Variants in ALG14 observed in about 807,000 individuals in gnomAD.
ALG14 encodes UDP-N-acetylglucosamine transferase subunit ALG14.
Under a neutral mutation model 22.8 loss-of-function variants are expected in ALG14, and 17 were observed. That is an observed-to-expected ratio of 0.75 (90% CI 0.51 to 1.12). ALG14 has a LOEUF of 1.12. Among genes scored for constraint, ALG14 ranks in the 50% most tolerant of loss-of-function variants. The pLI is 0.00. For synonymous variants in ALG14, 89 were observed against 103.7 expected, an observed-to-expected ratio of 0.86 and a Z score of 0.86; for missense variants, 288 against 271.8, an observed-to-expected ratio of 1.06 and a Z score of -0.42.
rs1321605573 is a variant in ALG14 at position 94,975,398 on chromosome 1, T to C, written c.*7678A>G. On this transcript the variant is annotated 3_prime_UTR_variant, in exon 4 of 4. Transcript: ENST00000370205. ...CACATTTTGTTTATCTGTTCATTAG[T>C]AGAGCATTTGGGTTGTTTCTACTTT... 2.0e-5 allele frequency: 3 copies of C among 152,252 alleles called. No homozygotes were observed. Among genetic ancestry groups the C allele is most frequent in the Non-Finnish European group, 4.4e-5 (3 of 68,056 alleles). 9.4% of individuals were successfully genotyped at this position (152,252 alleles called of 1,614,324 possible).
intron 2 of ALG14, among the ~76,000 whole-genome samples, chr1:95,054,615 C>T (rs908572593): frequency 6.6e-6 from 1 of 152,150 alleles, no homozygotes; most frequent in African/African-American, 2.4e-5. Flanking sequence ...AAAATGGACA[C>T]ATTCCTAGAA....
chr1:95,048,755 TA>T, intron 2 of ALG14, among the ~76,000 whole-genome samples: 1 of 152,328 alleles, frequency 6.6e-6, no homozygotes, highest in Middle Eastern at 3.4e-3. Flanking sequence ...CTTTTCAAGG[TA>T]TTTTTTTTTC....
intron 2 of ALG14, among the ~76,000 whole-genome samples, chr1:95,032,444 C>A (rs2100780946): frequency 6.6e-6 from 1 of 152,078 alleles, no homozygotes; most frequent in South Asian, 2.1e-4. Flanking sequence ...CTAGAAGGCA[C>A]CAAACCCCAA....
intron 3 of ALG14, among the ~76,000 whole-genome samples, chr1:94,996,851 T>C (rs1262277253): frequency 6.6e-6 from 1 of 151,988 alleles, no homozygotes; most frequent in Non-Finnish European, 1.5e-5. Context: ...CCAGCTCATT[T>C]TTGTATTTTT....
At chr1:95,057,003 C>A (rs1015097363) in intron 2 of ALG14, among the ~76,000 whole-genome samples, 1 of 144,662 alleles carries the variant, frequency 6.9e-6, no homozygotes, top group East Asian at 2.1e-4. Context: ...TTGCAGTGAG[C>A]TGAGATCAGG....
chr1:95,008,917 C>T (rs1255389116), intron 3 of ALG14, among the ~76,000 whole-genome samples: 1 of 152,092 alleles, frequency 6.6e-6, no homozygotes, highest in African/African-American at 2.4e-5. Context: ...TGGACTCAGA[C>T]AGTATTAGTC....
intron 3 of ALG14, among the ~76,000 whole-genome samples, chr1:94,999,571 C>G (rs1673004885): frequency 6.6e-6 from 1 of 152,032 alleles, no homozygotes; most frequent in Non-Finnish European, 1.5e-5. Flanking sequence ...CTGTGTTATC[C>G]CATTCCTTGC....
intron 2 of ALG14, among the ~76,000 whole-genome samples, chr1:95,042,220 C>A (rs1674400874): frequency 6.6e-6 from 1 of 152,002 alleles, no homozygotes; most frequent in African/African-American, 2.4e-5. Context: ...AAGAAGCCCC[C>A]ACCCCAACAC....
At chr1:95,028,151 A>T (rs1005339109) in intron 2 of ALG14, among the ~76,000 whole-genome samples, 8 of 152,146 alleles carry the variant, frequency 5.3e-5, no homozygotes, top group African/African-American at 1.9e-4. Context: ...AGTATTTGTT[A>T]GTTTGGTTTT....
intron 3 of ALG14, among the ~76,000 whole-genome samples, chr1:94,986,576 G>C (rs776767606): frequency 3.3e-5 from 5 of 151,986 alleles, no homozygotes; most frequent in Non-Finnish European, 5.9e-5. Flanking sequence ...TGGTTCACGT[G>C]ATTCTCCTGC....
At chr1:95,016,946 T>G (rs1189709358) in intron 3 of ALG14, among the ~76,000 whole-genome samples, 1 of 38,944 alleles carries the variant, frequency 2.6e-5, no homozygotes, top group Non-Finnish European at 5.5e-5. Flanking sequence ...AAAAGGGGTG[T>G]GTGTGTGTGT....
chr1:95,070,905 T>G (rs1476322280), intron 1 of ALG14, among the ~76,000 whole-genome samples: 1 of 151,946 alleles, frequency 6.6e-6, no homozygotes, highest in Non-Finnish European at 1.5e-5. Context: ...CCACCTAATT[T>G]ATTTATTTAT....
chr1:95,018,091 A>G (rs1173869266), intron 3 of ALG14, among the ~76,000 whole-genome samples: 2 of 152,240 alleles, frequency 1.3e-5, no homozygotes, highest in African/African-American at 2.4e-5. Flanking sequence ...GAGTAAAGCC[A>G]AAACCTCCTG....
intron 3 of ALG14, among the ~76,000 whole-genome samples, chr1:95,000,126 C>G (rs1673018943): frequency 6.6e-6 from 1 of 152,342 alleles, no homozygotes; most frequent in Non-Finnish European, 1.5e-5. Context: ...ACTGCCTATA[C>G]TGTTATTCTT....
At chr1:95,015,269 C>G (rs1199075643) in intron 3 of ALG14, among the ~76,000 whole-genome samples, 1 of 152,168 alleles carries the variant, frequency 6.6e-6, no homozygotes, top group African/African-American at 2.4e-5. Flanking sequence ...TCTGGTAGAA[C>G]TAGCGTGTTC....
At chr1:94,994,133 C>G (rs1012479772) in intron 3 of ALG14, among the ~76,000 whole-genome samples, 1 of 152,206 alleles carries the variant, frequency 6.6e-6, no homozygotes, top group African/African-American at 2.4e-5. Flanking sequence ...TCAGGCTAAC[C>G]AAACATTGTT....
At chr1:95,045,216 G>T (rs1674508421) in intron 2 of ALG14, among the ~76,000 whole-genome samples, 1 of 152,038 alleles carries the variant, frequency 6.6e-6, no homozygotes, top group South Asian at 2.1e-4. Context: ...TTTGTTTCTA[G>T]ATATAATTAT....
chr1:95,072,135 T>G lies in ALG14; in HGVS notation c.136+628A>C, dbSNP rs552419590. Among the ~76,000 whole-genome samples, 12 of 152,366 alleles carry G rather than the reference T, an allele frequency of 7.9e-5. 1 individual carries two copies. The South Asian group carries it at 2.5e-3, about 32-fold the overall frequency. ...TCATACTATACATGTTCTATCTGGA[T>G]GCAATCTCCTGCCATACCCAAATGT... is the stretch of plus-strand genomic sequence containing the variant. On this transcript the variant is annotated intron_variant, in intron 1 of 3. Transcript: ENST00000370205.
chr1:95,017,594 G>A (rs1008919066), intron 3 of ALG14, among the ~76,000 whole-genome samples: 2 of 151,322 alleles, frequency 1.3e-5, no homozygotes, highest in African/African-American at 4.9e-5. Context: ...TAGATGAGAG[G>A]AAGAAAGAGA....
Sources: gnomAD v4.1 joint callset for allele counts (sites outside exome capture counted in the v4.1 genomes callset) on GRCh38, gnomAD v4.1.1 for gene constraint, MANE v1.5 for transcripts, NCBI Gene and HGNC (gene_info 2026-07-23, HGNC 2026-07-21) for gene names.